The following BBS5 variants were observed in gnomAD, a reference collection of about 807,000 sequenced individuals.
BBS5 encodes the protein BBSome complex member BBS5.
In BBS5, 39 loss-of-function variants were observed where a neutral mutation model predicts 50.2. That is an observed-to-expected ratio of 0.78 (90% CI 0.60 to 1.01). The LOEUF is 1.01. BBS5 is among the 50% of genes least tolerant of loss of function. The pLI, the probability that BBS5 is intolerant of heterozygous loss-of-function variation, is 0.00. For synonymous variants in BBS5, 134 were observed against 133.1 expected (o/e 1.01, Z -0.05); for missense variants, 356 against 401.5 (o/e 0.89, Z 0.97).
chr2:169,502,730 A>G (rs1035750540), intron 9 of BBS5, among the ~76,000 whole-genome samples: 9 of 152,216 alleles, frequency 5.9e-5, no homozygotes, highest in African/African-American at 1.2e-4. Context: ...TACTTTTCAC[A>G]AATTCTATAT....
intron 3 of BBS5, 72 bp from the exon 4 acceptor site, chr2:169,487,734 T>C: frequency 8.8e-7 from 1 of 1,140,902 alleles, no homozygotes; most frequent in Middle Eastern, 2.9e-4. Context: ...TGTGTATACT[T>C]TTTTTTTAGA....
At position 169,504,958 on chromosome 2, in the gene BBS5, C is replaced by T. The variant is rs974744664; in HGVS notation, c.*376C>T. On this transcript the variant is annotated 3_prime_UTR_variant, in exon 12 of 12. Coordinates refer to ENST00000295240, the MANE Select transcript of BBS5 (RefSeq NM_152384.3). ...AGGTCCAAAGAGGACTGGTGATCTA[C>T]GTGTGCTTTTTCAAGGGAGCTGATA... 26 of 1,613,440 alleles carry T rather than the reference C, an allele frequency of 1.6e-5. No homozygotes were observed. The African/African-American group carries it at 2.7e-4, about 17-fold the overall frequency.
At position 169,493,775 on chromosome 2, in the gene BBS5, G is replaced by C; in HGVS notation, c.557G>C (p.Arg186Thr). Residue 186 changes from arginine to threonine, a missense_variant, in exon 7 of 12, where the codon AGA becomes ACA. By Grantham distance (71) the Arg-to-Thr change is moderately conservative. Coordinates refer to ENST00000295240, the MANE Select transcript of BBS5 (RefSeq NM_152384.3). Reference sequence around the variant, plus strand: ...GGAACCTTTTTTATTACCAATGTGAGAATTGTGTGGCATGCAAATATGAAT... The same window carrying C: ...GGAACCTTTTTTATTACCAATGTGACAATTGTGTGGCATGCAAATATGAAT... ...NLGTFFITNV[R>T]IVWHANMNDS... 6.2e-7 allele frequency: 1 copy of C among 1,613,014 alleles called. No individual in the cohort carries two copies. The highest frequency in any genetic ancestry group is 8.5e-7 in the Non-Finnish European group (1 of 1,179,112).
At chr2:169,499,823 A>G (rs568452211) in intron 9 of BBS5, among the ~76,000 whole-genome samples, 14 of 152,320 alleles carry the variant, frequency 9.2e-5, no homozygotes, top group African/African-American at 2.2e-4. Context: ...TTCATCATTC[A>G]TTCCTGCCCC....
intron 5 of BBS5, among the ~76,000 whole-genome samples, chr2:169,489,628 T>G (rs1683554884): frequency 6.6e-6 from 1 of 151,052 alleles, no homozygotes; most frequent in Admixed American, 6.6e-5. Context: ...ATATTTTTTC[T>G]TCTTGTTGTT....
At chr2:169,503,782 T>G (rs1456549111) in intron 10 of BBS5, among the ~76,000 whole-genome samples, 1 of 152,250 alleles carries the variant, frequency 6.6e-6, no homozygotes, top group Admixed American at 6.5e-5. Flanking sequence ...ATTCTATGGC[T>G]ATGAATCTGA....
chr2:169,500,128 GTCT>G (rs1318498232), intron 9 of BBS5, among the ~76,000 whole-genome samples: 1 of 152,146 alleles, frequency 6.6e-6, no homozygotes, highest in Non-Finnish European at 1.5e-5. Flanking sequence ...TCTGCTCTTT[GTCT>G]TCTTCATGAT....
At chr2:169,490,386 G>A (rs1390204183) in intron 5 of BBS5, among the ~76,000 whole-genome samples, 1 of 151,220 alleles carries the variant, frequency 6.6e-6, no homozygotes, top group African/African-American at 2.4e-5. Context: ...GTAGAGTTGG[G>A]TTTTACTGTG....
intron 1 of BBS5, among the ~76,000 whole-genome samples, chr2:169,481,869 C>T (rs987541779): frequency 2.0e-5 from 3 of 152,172 alleles, no homozygotes; most frequent in Admixed American, 6.5e-5. Context: ...AGTCTGGTTC[C>T]TCCTTAGTTA....
intron 8 of BBS5, 23 bp downstream of exon 8, chr2:169,497,712 T>A: frequency 6.7e-7 from 1 of 1,490,856 alleles, no homozygotes; most frequent in Non-Finnish European, 9.3e-7. Context: ...ATATTTTTAT[T>A]AATCTTTGAT....
chr2:169,491,077 A>C (rs1270693017), intron 5 of BBS5, among the ~76,000 whole-genome samples: 1 of 152,150 alleles, frequency 6.6e-6, no homozygotes, highest in Non-Finnish European at 1.5e-5. Context: ...GTTGATGGAC[A>C]TTTGGGTTTT....
chr2:169,486,928 C>T (rs542746413), intron 2 of BBS5, 141 bp from the exon 3 acceptor site: 1 of 712,734 alleles, frequency 1.4e-6, no homozygotes, highest in African/African-American at 1.7e-5. Flanking sequence ...GTTGGATATG[C>T]ACAATATTTT....
intron 2 of BBS5, among the ~76,000 whole-genome samples, chr2:169,485,118 A>G (rs2105293213): frequency 6.6e-6 from 1 of 152,366 alleles, no homozygotes; most frequent in Admixed American, 6.5e-5. Flanking sequence ...AAAATATAAA[A>G]GAATCAATAG....
chr2:169,484,494 G>A, intron 2 of BBS5, among the ~76,000 whole-genome samples: 1 of 152,154 alleles, frequency 6.6e-6, no homozygotes, highest in East Asian at 1.9e-4. Context: ...TTAAAAAATG[G>A]AAGGGGAATC....
In BBS5 at chr2:169,479,611, C is replaced by T. The variant is rs772852905; in HGVS notation, c.58C>T (p.Gln20Ter). The T allele has an allele frequency of 8.1e-6, 13 of 1,614,152 alleles. No individual in the cohort carries two copies. Among genetic ancestry groups the T allele is most frequent in the Non-Finnish European group, 1.0e-5 (12 of 1,179,992 alleles). ...DRDVRFDLSA[Q>*]QMKTRPGEVL... ...GGATGTCCGTTTCGACCTGTCCGCG[C>T]AGTGAGTTTCCAAGATTCCCGAGGG... is the stretch of plus-strand genomic sequence containing the variant. Residue 20 changes from glutamine (Q) to a stop codon, truncating the protein, a stop_gained and splice_region_variant, in exon 1 of 12, where the codon CAG (glutamine) becomes TAG (stop). Transcript: ENST00000295240. LOFTEE classifies it high-confidence loss of function.
At chr2:169,486,190 G>A (rs1004039868) in intron 2 of BBS5, among the ~76,000 whole-genome samples, 1 of 152,152 alleles carries the variant, frequency 6.6e-6, no homozygotes, top group Non-Finnish European at 1.5e-5. Context: ...TAGTTTCTCT[G>A]ATTTTAGACA....
intron 9 of BBS5, among the ~76,000 whole-genome samples, chr2:169,501,193 T>A (rs1683794661): frequency 6.6e-6 from 1 of 152,246 alleles, no homozygotes; most frequent in African/African-American, 2.4e-5. Context: ...TTGATTTGTT[T>A]ACTTATATAT....
At chr2:169,495,018 C>A (rs1683669891) in intron 7 of BBS5, among the ~76,000 whole-genome samples, 1 of 152,154 alleles carries the variant, frequency 6.6e-6, no homozygotes, top group Non-Finnish European at 1.5e-5. Context: ...TCTGATAATT[C>A]ATTCATTTTT....
chr2:169,493,677 T>C (rs1013990999), intron 6 of BBS5, 64 bp from the exon 7 acceptor site: 2 of 1,128,408 alleles, frequency 1.8e-6, no homozygotes, highest in African/African-American at 1.5e-5. Context: ...TTCTGGTGAT[T>C]AGAAAATAAA....
Sources: gnomAD v4.1 joint callset for allele counts (sites outside exome capture counted in the v4.1 genomes callset) on GRCh38, gnomAD v4.1.1 for gene constraint, MANE v1.5 for transcripts, NCBI Gene and HGNC (gene_info 2026-07-23, HGNC 2026-07-21) for gene names.